The following NCAM2 variants were observed in gnomAD, a reference collection of about 807,000 sequenced individuals.
NCAM2 encodes the protein N-CAM-2.
A neutral mutation model predicts 98.1 loss-of-function variants in NCAM2; 30 were observed. The observed-to-expected ratio is 0.31, with a 90% CI of 0.23 to 0.41. The LOEUF (loss-of-function observed/expected upper bound fraction) is 0.41. Ranked by LOEUF, NCAM2 falls within the 10% of genes least tolerant of loss-of-function variation. NCAM2 has a pLI of 1.00. For synonymous variants in NCAM2, 368 were observed against 342.4 expected, an observed-to-expected ratio of 1.07 and a Z score of -0.83; for missense variants, 867 against 1,005.8, an observed-to-expected ratio of 0.86 and a Z score of 1.87.
At chr21:21,338,141 A>G (rs2074928714) in intron 7 of NCAM2, among the ~76,000 whole-genome samples, 1 of 152,244 alleles carries the variant, frequency 6.6e-6, no homozygotes, top group East Asian at 1.9e-4. Flanking sequence ...TATAATTTGG[A>G]TGTTGGTTTC....
chr21:21,084,162 ACT>A (rs1393917005), intron 1 of NCAM2, among the ~76,000 whole-genome samples: 3 of 152,024 alleles, frequency 2.0e-5, no homozygotes, highest in South Asian at 2.1e-4. Context: ...GGCTCTCTGG[ACT>A]CTCTTTTCAA....
At chr21:21,375,234 A>G (rs2076006393) in intron 9 of NCAM2, among the ~76,000 whole-genome samples, 1 of 150,736 alleles carries the variant, frequency 6.6e-6, no homozygotes, top group Non-Finnish European at 1.5e-5. Flanking sequence ...AAAAAAAAAC[A>G]CCCACTGATA....
chr21:21,200,848 T>TTG (rs1414125063), intron 1 of NCAM2, among the ~76,000 whole-genome samples: 1 of 151,034 alleles, frequency 6.6e-6, no homozygotes, highest in Non-Finnish European at 1.5e-5. Context: ...GTGTGTGTGT[T>TTG]TGTGTGTGTG....
chr21:21,071,719 G>A (rs894165243), intron 1 of NCAM2, among the ~76,000 whole-genome samples: 2 of 151,978 alleles, frequency 1.3e-5, no homozygotes, highest in South Asian at 2.1e-4. Context: ...GGAAATTGAC[G>A]AAGTATAATT....
intron 8 of NCAM2, among the ~76,000 whole-genome samples, chr21:21,339,919 T>G (rs1303210104): frequency 1.3e-5 from 2 of 151,878 alleles, no homozygotes; most frequent in Non-Finnish European, 2.9e-5. Flanking sequence ...ATATACTTAT[T>G]TTATATATTC....
At chr21:21,493,196 A>G (rs924361779) in intron 15 of NCAM2, among the ~76,000 whole-genome samples, 5 of 151,948 alleles carry the variant, frequency 3.3e-5, no homozygotes, top group Non-Finnish European at 2.9e-5. Flanking sequence ...TCTATTACAT[A>G]AAAACAGGAA....
intron 1 of NCAM2, among the ~76,000 whole-genome samples, chr21:21,220,942 G>A (rs1359418667): frequency 6.6e-6 from 1 of 152,068 alleles, no homozygotes. Flanking sequence ...AATTTTTGTG[G>A]CAACCATGCC....
Position 21,537,877 on chromosome 21 carries a change from G to A in NCAM2, c.2434G>A (p.Glu812Lys). 6.4e-7 allele frequency: 1 copy of A among 1,572,448 alleles called. No homozygotes were observed. The highest frequency in any genetic ancestry group is 8.6e-7 in the Non-Finnish European group (1 of 1,158,812). ...GCCTTTAAAGGAAGAAGATGGGAAA[G>A]AAGCTCTAAATCCAGAAACTATAGA... ...KLPLKEEDGKEALNPETIEIK... is the reference protein window; with the variant it reads ...KLPLKEEDGKKALNPETIEIK... The change falls in exon 18 of 18, where the codon GAA (glutamate) becomes AAA (lysine). Residue 812 changes from glutamate to lysine, a missense_variant. Transcript: ENST00000400546.
At chr21:21,168,704 T>G (rs866572106) in intron 1 of NCAM2, among the ~76,000 whole-genome samples, 2 of 152,048 alleles carry the variant, frequency 1.3e-5, no homozygotes, top group African/African-American at 4.8e-5. Context: ...ATTAATACTT[T>G]CCAAAATGAA....
intron 15 of NCAM2, among the ~76,000 whole-genome samples, chr21:21,484,615 A>T (rs1228675266): frequency 1.3e-5 from 2 of 152,166 alleles, no homozygotes; most frequent in Non-Finnish European, 2.9e-5. Flanking sequence ...ATTAAAAAAA[A>T]ATAGTAATAG....
At chr21:21,060,841 G>A (rs2065306917) in intron 1 of NCAM2, among the ~76,000 whole-genome samples, 1 of 152,110 alleles carries the variant, frequency 6.6e-6, no homozygotes. Context: ...AGTCTTGGTT[G>A]ATGGTGAATG....
At chr21:21,336,994 A>T (rs1442401999) in intron 7 of NCAM2, among the ~76,000 whole-genome samples, 1 of 152,166 alleles carries the variant, frequency 6.6e-6, no homozygotes, top group Non-Finnish European at 1.5e-5. Context: ...TACAGGGAAA[A>T]GTAAATATAC....
At chr21:21,338,681 A>G (rs2074945472) in intron 8 of NCAM2, 147 bp downstream of exon 8, 3 of 811,206 alleles carry the variant, frequency 3.7e-6, no homozygotes, top group East Asian at 3.0e-5. Flanking sequence ...AACTAACACA[A>G]TGTCGGCTTT....
intron 5 of NCAM2, among the ~76,000 whole-genome samples, chr21:21,304,379 C>A (rs1237567340): frequency 1.3e-5 from 2 of 151,716 alleles, no homozygotes; most frequent in Non-Finnish European, 2.9e-5. Flanking sequence ...GCTAAAAACA[C>A]CGTACTTTAG....
intron 16 of NCAM2, among the ~76,000 whole-genome samples, chr21:21,524,459 G>A (rs1989208958): frequency 6.6e-6 from 1 of 151,192 alleles, no homozygotes; most frequent in Admixed American, 6.6e-5. Flanking sequence ...GAACCCAGGA[G>A]GCAGAGGTTG....
intron 11 of NCAM2, among the ~76,000 whole-genome samples, chr21:21,420,519 A>T (rs961382945): frequency 1.3e-5 from 2 of 152,066 alleles, no homozygotes; most frequent in Non-Finnish European, 2.9e-5. Context: ...AAGCATCTGT[A>T]AAGAAATTTT....
chr21:21,294,709 A>G (rs2073413606), intron 5 of NCAM2, among the ~76,000 whole-genome samples: 1 of 151,836 alleles, frequency 6.6e-6, no homozygotes, highest in Non-Finnish European at 1.5e-5. Context: ...ATGCCATCAG[A>G]CGCCTGTGCT....
chr21:21,101,502 C>G (rs555947398), intron 1 of NCAM2, among the ~76,000 whole-genome samples: 1 of 152,128 alleles, frequency 6.6e-6, no homozygotes, highest in Admixed American at 6.6e-5. Context: ...AACTGGTTTT[C>G]TGCCCATGTA....
At chr21:21,531,455 A>G (rs1989689335) in intron 16 of NCAM2, among the ~76,000 whole-genome samples, 1 of 128,742 alleles carries the variant, frequency 7.8e-6, no homozygotes, top group Non-Finnish European at 1.6e-5. Context: ...CACTATTACC[A>G]TCTTTGTTTT....
Sources: allele counts gnomAD v4.1 joint callset (sites outside exome capture counted in the v4.1 genomes callset), GRCh38; gene constraint gnomAD v4.1.1; transcripts MANE v1.5; gene names NCBI Gene and HGNC (gene_info 2026-07-23, HGNC 2026-07-21).